Variants in ACSS2 observed in about 807,000 individuals in gnomAD.
The protein encoded by ACSS2 is acyl-CoA synthetase short chain family member 2.
Under a neutral mutation model 90.6 loss-of-function variants are expected in ACSS2, and 58 were observed. The observed-to-expected ratio is 0.64, with a 90% CI of 0.52 to 0.80. The LOEUF (loss-of-function observed/expected upper bound fraction) is 0.80. ACSS2 is among the 30% of genes least tolerant of loss of function. The pLI is 0.00. For synonymous variants in ACSS2, 300 were observed against 330.9 expected (o/e 0.91, Z 1.01); for missense variants, 759 against 912.0 (o/e 0.83, Z 2.16).
upstream of ACSS2, chr20:34,875,026 C>A: frequency 1.9e-6 from 1 of 533,664 alleles, no homozygotes; most frequent in South Asian, 1.4e-5. Flanking sequence ...GGGAGCTGCC[C>A]GCTTCAGGCC....
chr20:34,920,843 G>A, intron 9 of ACSS2, 134 bp downstream of exon 9: 1 of 1,461,192 alleles, frequency 6.8e-7, no homozygotes, highest in Non-Finnish European at 9.3e-7. Flanking sequence ...GAAGTCCTGA[G>A]GGGGTTGCGT....
At chr20:34,894,114 G>A (rs894284192) in intron 2 of ACSS2, among the ~76,000 whole-genome samples, 1 of 152,188 alleles carries the variant, frequency 6.6e-6, no homozygotes, top group African/African-American at 2.4e-5. Context: ...AGCAGTCACA[G>A]AGGGTTCTTG....
chr20:34,906,489 A>G (rs2080809462), intron 2 of ACSS2, among the ~76,000 whole-genome samples: 1 of 152,084 alleles, frequency 6.6e-6, no homozygotes, highest in Non-Finnish European at 1.5e-5. Flanking sequence ...AGGTGCTTAT[A>G]TCAATAATGT....
chr20:34,904,321 A>G (rs1262247892), intron 2 of ACSS2, among the ~76,000 whole-genome samples: 1 of 152,072 alleles, frequency 6.6e-6, no homozygotes, highest in Non-Finnish European at 1.5e-5. Flanking sequence ...GGAATAAGTC[A>G]TGTGGCTATC....
chr20:34,902,169 C>T (rs973506890), intron 2 of ACSS2, among the ~76,000 whole-genome samples: 2 of 152,202 alleles, frequency 1.3e-5, no homozygotes, highest in South Asian at 2.1e-4. Flanking sequence ...CTATTATATA[C>T]AAGGTTCTGT....
chr20:34,903,870 CA>C (rs11474981), intron 2 of ACSS2, among the ~76,000 whole-genome samples: 51,220 of 93,660 alleles, frequency 0.55, 11,014 homozygotes, highest in South Asian at 0.67. Context: ...GACATTGTCT[CA>C]AAAAAAAAAA....
At chr20:34,917,742 T>G (rs202189604) in intron 7 of ACSS2, among the ~76,000 whole-genome samples, 1 of 151,920 alleles carries the variant, frequency 6.6e-6, no homozygotes, top group East Asian at 1.9e-4. Context: ...GGGTTTTTTT[T>G]GTTGTTTTTG....
chr20:34,887,551 C>T (rs550632904), intron 2 of ACSS2, among the ~76,000 whole-genome samples: 1 of 152,162 alleles, frequency 6.6e-6, no homozygotes, highest in Admixed American at 6.5e-5. Context: ...ACCAGCCTGG[C>T]CAACATGGTG....
At chr20:34,886,514 C>T (rs1235765557) in intron 2 of ACSS2, among the ~76,000 whole-genome samples, 1 of 152,122 alleles carries the variant, frequency 6.6e-6, no homozygotes, top group Non-Finnish European at 1.5e-5. Context: ...GTCCCAGCTA[C>T]TTGGGAGGCT....
intron 2 of ACSS2, among the ~76,000 whole-genome samples, chr20:34,894,568 G>A (rs2080418692): frequency 6.6e-6 from 1 of 152,138 alleles, no homozygotes; most frequent in African/African-American, 2.4e-5. Context: ...GGGAGGCTGA[G>A]GTGGGAGGAT....
chr20:34,914,504 C>T (rs866679780), intron 7 of ACSS2, 67 bp downstream of exon 7: 1 of 1,374,552 alleles, frequency 7.3e-7, no homozygotes, highest in Middle Eastern at 1.8e-4. Context: ...CTAGAAAATT[C>T]TTGATGTCCT....
At position 34,913,770 on chromosome 20, in the gene ACSS2, A is replaced by G. The variant is rs750557055; in HGVS notation, c.588A>G (p.Ser196=). Residue 196 remains serine (S), a synonymous_variant, in exon 5 of 18, where the codon TCA becomes TCG. Coordinates refer to ENST00000360596, the MANE Select transcript of ACSS2 (RefSeq NM_018677.4). ...TTCCCTAGTTTGCAGGCTTCTCTTC[A>G]GAGTCTCTATGTGAACGGATCTTGG... The part of the protein sequence containing the change: ...LHSIVFAGFS[S]ESLCERILDS... The G allele has an allele frequency of 3.7e-6, 6 of 1,613,978 alleles. No homozygotes were observed. In the South Asian group the frequency reaches 5.5e-5, roughly 15 times the overall value.
Position 34,926,936 on chromosome 20 carries a change from C to G in ACSS2, c.1963C>G (p.Pro655Ala), listed in dbSNP as rs1423196225. The G allele has an allele frequency of 6.2e-7, 1 of 1,613,996 alleles. No individual in the cohort carries two copies. The highest frequency in any genetic ancestry group is 8.5e-7 in the Non-Finnish European group (1 of 1,180,026). Residue 655 changes from proline (P) to alanine (A), a missense_variant, in exon 17 of 18, where the codon CCT (proline) becomes GCT (alanine). By Grantham distance (27) the Pro-to-Ala change is conservative. Coordinates refer to ENST00000360596, the MANE Select transcript of ACSS2 (RefSeq NM_018677.4). ...PDYIQNAPGL[P>A]KTRSGKIMRR... ...CTACATCCAGAATGCACCTGGCTTG[C>G]CTAAAACCCGCTCAGGTATGTTCAG... is the stretch of plus-strand genomic sequence containing the variant.
intron 1 of ACSS2, among the ~76,000 whole-genome samples, chr20:34,881,294 C>G (rs946274219): frequency 6.6e-6 from 1 of 151,658 alleles, no homozygotes; most frequent in African/African-American, 2.4e-5. Context: ...GCCTTGGCCT[C>G]CCAAAGTGCT....
upstream of ACSS2, chr20:34,875,088 C>T (rs756938144): frequency 3.4e-5 from 18 of 534,716 alleles, no homozygotes; most frequent in South Asian, 2.5e-4. Flanking sequence ...GCCTTGACAG[C>T]CAGTCTGTGA....
At chr20:34,876,052 C>T (rs2079899429), upstream of ACSS2, 1 of 152,946 alleles carries the variant, frequency 6.5e-6, no homozygotes, top group Non-Finnish European at 1.5e-5. Context: ...AGGGTGTCAC[C>T]TGGAAGGAAC....
At chr20:34,892,686 G>GT (rs1050330410) in intron 2 of ACSS2, among the ~76,000 whole-genome samples, 1 of 152,224 alleles carries the variant, frequency 6.6e-6, no homozygotes, top group African/African-American at 2.4e-5. Flanking sequence ...GGCAAAAAGT[G>GT]TATTAGCTAT....
chr20:34,908,865 A>G lies in ACSS2; in HGVS notation c.375-4231A>G, dbSNP rs759724812. On this transcript the variant is annotated intron_variant, in intron 2 of 17. Coordinates refer to ENST00000360596, the MANE Select transcript of ACSS2 (RefSeq NM_018677.4). ...AACAGGAGCAAAACTCCATCTTGGGAAAAAAAAAAAAAAAAAGCACACATC... is the reference window on the plus strand; with the variant it reads ...AACAGGAGCAAAACTCCATCTTGGGGAAAAAAAAAAAAAAAAGCACACATC... The G allele has an allele frequency of 3.2e-3, 505 of 158,068 alleles. No homozygotes were observed. In the Middle Eastern group the frequency reaches 0.052, roughly 16 times the overall value. 9.8% of individuals were successfully genotyped at this position (158,068 alleles called of 1,614,324 possible).
intron 2 of ACSS2, among the ~76,000 whole-genome samples, chr20:34,889,833 C>G (rs957820921): frequency 7.2e-5 from 11 of 152,230 alleles, no homozygotes; most frequent in South Asian, 4.2e-4. Flanking sequence ...AGAGGAGTTA[C>G]GGTTGTCATC....
Sources: gnomAD v4.1 joint callset for allele counts (sites outside exome capture counted in the v4.1 genomes callset) on GRCh38, gnomAD v4.1.1 for gene constraint, MANE v1.5 for transcripts, NCBI Gene and HGNC (gene_info 2026-07-23, HGNC 2026-07-21) for gene names.